The following TRIQK variants were observed in gnomAD, a reference collection of about 807,000 sequenced individuals.
TRIQK encodes triple QxxK/R motif containing.
Under a neutral mutation model 10.8 loss-of-function variants are expected in TRIQK, and 10 were observed. That is an observed-to-expected ratio of 0.92 (90% CI 0.57 to 1.57). TRIQK has a LOEUF of 1.57. TRIQK is among the 40% of genes most tolerant of loss of function. The probability of loss-of-function intolerance (pLI) is 0.00; values close to 1 mark genes in which losing one functional copy is unlikely to be tolerated. For missense variants in TRIQK, 107 were observed against 97.7 expected (o/e 1.09, Z -0.40); for synonymous variants, 33 against 33.7 (o/e 0.98, Z 0.07).
intron 3 of TRIQK, among the ~76,000 whole-genome samples, chr8:92,893,913 T>G (rs539518417): frequency 2.7e-4 from 41 of 152,150 alleles, no homozygotes; most frequent in African/African-American, 9.4e-4. Context: ...TTCATATTTT[T>G]TATACAGATA....
chr8:93,014,866 C>G (rs546251850), intron 1 of TRIQK, among the ~76,000 whole-genome samples: 3 of 152,120 alleles, frequency 2.0e-5, no homozygotes, highest in African/African-American at 7.2e-5. Context: ...ATGATTTTCT[C>G]ATTTCCCAGG....
chr8:92,910,059 A>G (rs796484678), intron 3 of TRIQK, among the ~76,000 whole-genome samples: 26 of 151,718 alleles, frequency 1.7e-4, no homozygotes, highest in African/African-American at 6.3e-4. Flanking sequence ...GGTATATAAA[A>G]TTGTAATCAC....
intron 2 of TRIQK, among the ~76,000 whole-genome samples, chr8:92,944,252 C>T (rs79579018): frequency 0.027 from 3,937 of 147,220 alleles, 318 homozygotes; most frequent in East Asian, 0.2. Context: ...TACACACTGT[C>T]GTGGGAATGT....
intron 1 of TRIQK, among the ~76,000 whole-genome samples, chr8:93,015,628 T>C (rs1813378166): frequency 6.6e-6 from 1 of 152,114 alleles, no homozygotes; most frequent in African/African-American, 2.4e-5. Context: ...CATAAGGGTA[T>C]TGGCATGCTC....
chr8:92,901,642 G>A (rs1228182217), intron 3 of TRIQK, among the ~76,000 whole-genome samples: 1 of 151,924 alleles, frequency 6.6e-6, no homozygotes, highest in Non-Finnish European at 1.5e-5. Flanking sequence ...TTGGACTTTG[G>A]TTTACCAGAA....
chr8:92,920,668 A>G (rs1168003042), intron 2 of TRIQK, among the ~76,000 whole-genome samples: 1 of 151,834 alleles, frequency 6.6e-6, no homozygotes, highest in African/African-American at 2.4e-5. Context: ...TCTAAAGCAC[A>G]GAAAGAAAGT....
At chr8:93,011,357 C>G (rs1045505845) in intron 1 of TRIQK, among the ~76,000 whole-genome samples, 6 of 151,994 alleles carry the variant, frequency 3.9e-5, no homozygotes, top group African/African-American at 1.4e-4. Context: ...GTGGAACTGA[C>G]TGTAAATTTG....
chr8:92,974,228 G>A (rs1812906516), intron 1 of TRIQK: 1 of 152,298 alleles, frequency 6.6e-6, no homozygotes, highest in South Asian at 2.1e-4. Context: ...CTAGCTGCTG[G>A]ACATCCTGGA....
intron 2 of TRIQK, among the ~76,000 whole-genome samples, chr8:92,924,711 C>A (rs760836476): frequency 6.6e-6 from 1 of 151,426 alleles, no homozygotes; most frequent in Non-Finnish European, 1.5e-5. Flanking sequence ...TATTAAAATG[C>A]AGTATTATAA....
chr8:93,003,687 C>T (rs1014006866), intron 1 of TRIQK, among the ~76,000 whole-genome samples: 4 of 152,128 alleles, frequency 2.6e-5, no homozygotes, highest in Admixed American at 6.5e-5. Context: ...AAGACCCTTC[C>T]ACCTATGAGC....
At chr8:92,985,649 CA>C (rs1321885513) in intron 1 of TRIQK, among the ~76,000 whole-genome samples, 3 of 152,106 alleles carry the variant, frequency 2.0e-5, no homozygotes, top group African/African-American at 7.2e-5. Flanking sequence ...TTCACCAGGC[CA>C]GGTTGTCATA....
intron 3 of TRIQK, among the ~76,000 whole-genome samples, chr8:92,916,466 C>T (rs1056396853): frequency 6.6e-6 from 1 of 152,022 alleles, no homozygotes; most frequent in Admixed American, 6.6e-5. Flanking sequence ...CTGGAGAATT[C>T]TCTTTCTTTT....
intron 1 of TRIQK, among the ~76,000 whole-genome samples, chr8:93,010,093 G>T (rs1009784742): frequency 2.4e-4 from 37 of 152,114 alleles, no homozygotes; most frequent in African/African-American, 7.0e-4. Flanking sequence ...TATAACAGTG[G>T]TTATCAGAGA....
chr8:92,933,881 T>G (rs1810854972), intron 2 of TRIQK, among the ~76,000 whole-genome samples: 1 of 152,078 alleles, frequency 6.6e-6, no homozygotes, highest in Non-Finnish European at 1.5e-5. Flanking sequence ...TGAATCTCCT[T>G]GATCTATTTT....
intron 3 of TRIQK, among the ~76,000 whole-genome samples, chr8:92,896,481 C>T (rs561002376): frequency 1.5e-4 from 23 of 152,266 alleles, no homozygotes; most frequent in African/African-American, 5.3e-4. Flanking sequence ...ACCTCAGAGA[C>T]TCAAGAATTA....
intron 3 of TRIQK, among the ~76,000 whole-genome samples, chr8:92,910,048 G>A (rs976597789): frequency 2.0e-5 from 3 of 151,398 alleles, no homozygotes; most frequent in African/African-American, 7.3e-5. Flanking sequence ...GTTAAACAAA[G>A]GGTATATAAA....
chr8:92,988,873 T>C (rs2130748576), intron 1 of TRIQK, among the ~76,000 whole-genome samples: 1 of 152,308 alleles, frequency 6.6e-6, no homozygotes, highest in Admixed American at 6.5e-5. Flanking sequence ...ATCATAAAAA[T>C]GTTCACCCCT....
intron 2 of TRIQK, among the ~76,000 whole-genome samples, chr8:92,939,372 G>A (rs975045250): frequency 6.6e-6 from 1 of 152,128 alleles, no homozygotes; most frequent in African/African-American, 2.4e-5. Flanking sequence ...AGAAGCAAAG[G>A]GGATAGAATG....
chr8:92,949,787 AAAG>A (rs1811769261), intron 2 of TRIQK, among the ~76,000 whole-genome samples: 1 of 11,726 alleles, frequency 8.5e-5, no homozygotes, highest in Admixed American at 1.1e-3. Context: ...AAAGAAAAAG[AAAG>A]AAAGAAAGAA....
Sources: gnomAD v4.1 joint callset for allele counts (sites outside exome capture counted in the v4.1 genomes callset) on GRCh38, gnomAD v4.1.1 for gene constraint, MANE v1.5 for transcripts, NCBI Gene and HGNC (gene_info 2026-07-23, HGNC 2026-07-21) for gene names.